Variants in MAML3 observed in about 807,000 individuals in gnomAD.
MAML3 encodes the protein mastermind-like protein 3.
Under a neutral mutation model 101.9 loss-of-function variants are expected in MAML3, and 27 were observed. The observed-to-expected ratio is 0.27, with a 90% CI of 0.20 to 0.37. The LOEUF (loss-of-function observed/expected upper bound fraction) is 0.37, where lower values mean the gene tolerates loss of function less well. Ranked by LOEUF, MAML3 falls within the 10% of genes least tolerant of loss-of-function variation. MAML3 has a pLI of 1.00. For synonymous variants in MAML3, 501 were observed against 555.9 expected (o/e 0.90, Z 1.39); for missense variants, 1,316 against 1,444.9 (o/e 0.91, Z 1.45).
chr4:139,881,769 T>C (rs575987783), intron 2 of MAML3, among the ~76,000 whole-genome samples: 1 of 152,340 alleles, frequency 6.6e-6, no homozygotes, highest in East Asian at 1.9e-4. Context: ...TGGTGCGATC[T>C]CCGCTCACTG....
chr4:139,973,693 C>T (rs1734269111), intron 1 of MAML3, among the ~76,000 whole-genome samples: 1 of 152,156 alleles, frequency 6.6e-6, no homozygotes, highest in Non-Finnish European at 1.5e-5. Flanking sequence ...CAAGTTCACA[C>T]CTGTAATCAA....
intron 1 of MAML3, among the ~76,000 whole-genome samples, chr4:140,041,741 T>C (rs1053299541): frequency 5.9e-5 from 9 of 152,210 alleles, no homozygotes; most frequent in African/African-American, 2.2e-4. Flanking sequence ...ACTGGAGGAA[T>C]GATCTTACCT....
At chr4:140,096,607 G>A (rs551040514) in intron 1 of MAML3, among the ~76,000 whole-genome samples, 1 of 152,148 alleles carries the variant, frequency 6.6e-6, no homozygotes, top group Non-Finnish European at 1.5e-5. Context: ...TATGAGAAGA[G>A]GCGAGGTGGC....
chr4:140,052,238 G>A (rs929266589), intron 1 of MAML3, among the ~76,000 whole-genome samples: 3 of 152,152 alleles, frequency 2.0e-5, no homozygotes, highest in African/African-American at 7.2e-5. Context: ...TTAAGTGAAA[G>A]GATACTTAGA....
At chr4:139,773,698 A>G (rs1389760037) in intron 2 of MAML3, among the ~76,000 whole-genome samples, 1 of 152,232 alleles carries the variant, frequency 6.6e-6, no homozygotes, top group African/African-American at 2.4e-5. Context: ...AACAATTCAG[A>G]TAAACAGGAG....
rs573054099 is a variant in MAML3 at position 140,033,043 on chromosome 4, C to T, written c.468+119817G>A. On this transcript the variant is annotated intron_variant, in intron 1 of 4. Coordinates refer to ENST00000509479, the MANE Select transcript of MAML3 (RefSeq NM_018717.5). Reference sequence around the variant, plus strand: ...AAAGCCACCAGCTTCTAACCATGAACGGGTGTTCAGAGCATGAGTCTGTTT... The same window carrying T: ...AAAGCCACCAGCTTCTAACCATGAATGGGTGTTCAGAGCATGAGTCTGTTT... 1.2e-3 allele frequency among the ~76,000 whole-genome samples: 186 copies of T among 152,252 alleles called. 1 individual carries two copies. Among genetic ancestry groups the T allele is most frequent in the Non-Finnish European group, 2.3e-3 (154 of 68,028 alleles).
chr4:139,782,015 T>C (rs753110559), intron 2 of MAML3, among the ~76,000 whole-genome samples: 25 of 152,104 alleles, frequency 1.6e-4, no homozygotes, highest in Non-Finnish European at 3.1e-4. Context: ...GAATGCAGCA[T>C]TGAGGGAACT....
chr4:139,905,188 G>A (rs1196041503), intron 1 of MAML3, among the ~76,000 whole-genome samples: 1 of 152,182 alleles, frequency 6.6e-6, no homozygotes, highest in Non-Finnish European at 1.5e-5. Context: ...TTCTGATTTT[G>A]TAATGATAAA....
chr4:139,833,273 C>T (rs928722522), intron 2 of MAML3, among the ~76,000 whole-genome samples: 1 of 152,074 alleles, frequency 6.6e-6, no homozygotes, highest in African/African-American at 2.4e-5. Flanking sequence ...GGGAGGGGGC[C>T]GCGTGGAAGC....
At chr4:140,146,404 C>T (rs1729065842) in intron 1 of MAML3, among the ~76,000 whole-genome samples, 1 of 152,136 alleles carries the variant, frequency 6.6e-6, no homozygotes, top group African/African-American at 2.4e-5. Context: ...CTGAATGGAA[C>T]CCCATGATCT....
At chr4:139,956,549 T>C (rs186597803) in intron 1 of MAML3, among the ~76,000 whole-genome samples, 1 of 151,990 alleles carries the variant, frequency 6.6e-6, no homozygotes, top group African/African-American at 2.4e-5. Flanking sequence ...AAAGGAAAAA[T>C]AGAGTCCCCG....
chr4:139,744,545 G>A (rs1034228903), intron 2 of MAML3, among the ~76,000 whole-genome samples: 2 of 152,170 alleles, frequency 1.3e-5, no homozygotes, highest in African/African-American at 2.4e-5. Flanking sequence ...AGAACACAAT[G>A]TGTGGCGTGT....
chr4:139,815,297 T>C (rs1370014646), intron 2 of MAML3, among the ~76,000 whole-genome samples: 1 of 152,220 alleles, frequency 6.6e-6, no homozygotes, highest in African/African-American at 2.4e-5. Context: ...GAATCATTTC[T>C]CTTACAACAG....
intron 1 of MAML3, among the ~76,000 whole-genome samples, chr4:139,972,410 A>C (rs1355824459): frequency 2.0e-5 from 3 of 152,244 alleles, no homozygotes; most frequent in Non-Finnish European, 4.4e-5. Flanking sequence ...ACCAGTTTAC[A>C]AGCCTTATCA....
chr4:139,762,232 G>A lies in MAML3; in HGVS notation c.2080-31565C>T, dbSNP rs80072500. ...CATCTAATTCATCACTATATCCCCC[G>A]TGTCTAGCCCAGCGCCTGGGACACA... is the stretch of plus-strand genomic sequence containing the variant. On this transcript the variant is annotated intron_variant, in intron 2 of 4. Transcript: ENST00000509479. Among the ~76,000 whole-genome samples the A allele has an allele frequency of 2.7e-3, 414 of 152,234 alleles. 1 individual carries two copies. The highest frequency in any genetic ancestry group is 9.0e-3 in the African/African-American group (375 of 41,524).
intron 2 of MAML3, among the ~76,000 whole-genome samples, chr4:139,786,465 C>A (rs2111085742): frequency 6.6e-6 from 1 of 152,226 alleles, no homozygotes; most frequent in Non-Finnish European, 1.5e-5. Flanking sequence ...GCTAATTTCA[C>A]AGGGACTAGG....
At chr4:139,810,017 T>C (rs905495061) in intron 2 of MAML3, among the ~76,000 whole-genome samples, 1 of 151,876 alleles carries the variant, frequency 6.6e-6, no homozygotes, top group Non-Finnish European at 1.5e-5. Context: ...GGGTGGATAG[T>C]TATAAAGGGA....
At chr4:139,961,372 C>T (rs1734010670) in intron 1 of MAML3, among the ~76,000 whole-genome samples, 1 of 152,128 alleles carries the variant, frequency 6.6e-6, no homozygotes, top group African/African-American at 2.4e-5. Flanking sequence ...ACCTGAACAC[C>T]AGATGTTTTC....
intron 2 of MAML3, among the ~76,000 whole-genome samples, chr4:139,810,689 C>T (rs942585800): frequency 3.3e-5 from 5 of 152,146 alleles, no homozygotes; most frequent in Non-Finnish European, 7.4e-5. Flanking sequence ...TTCTCTACAA[C>T]TCTATGTGGT....
Sources: allele counts gnomAD v4.1 joint callset (sites outside exome capture counted in the v4.1 genomes callset), GRCh38; gene constraint gnomAD v4.1.1; transcripts MANE v1.5; gene names NCBI Gene and HGNC (gene_info 2026-07-23, HGNC 2026-07-21).